The following KDM1A variants were observed in gnomAD, a reference collection of about 807,000 sequenced individuals.
KDM1A encodes lysine demethylase 1A, also known as lysine-specific histone demethylase 1A.
Under a neutral mutation model 109.4 loss-of-function variants are expected in KDM1A, and 49 were observed. The ratio of observed to expected loss-of-function variants is 0.45; its 90% CI spans 0.36 to 0.57. The LOEUF (loss-of-function observed/expected upper bound fraction) is 0.57. KDM1A is among the 20% of genes least tolerant of loss of function. The probability of loss-of-function intolerance (pLI) is 0.00; values close to 1 mark genes in which losing one functional copy is unlikely to be tolerated. For missense variants in KDM1A, 668 were observed against 1,116.6 expected (o/e 0.60, Z 5.73); for synonymous variants, 380 against 415.4 (o/e 0.91, Z 1.04).
At chr1:23,076,343 C>CT (rs1005987040) in intron 15 of KDM1A, among the ~76,000 whole-genome samples, 39 of 150,926 alleles carry the variant, frequency 2.6e-4, no homozygotes, top group East Asian at 1.9e-3. Context: ...CAATTCCTGA[C>CT]TTTTTTTTTA....
At chr1:23,081,792 C>T (rs1643627087) in intron 19 of KDM1A, 2 of 529,906 alleles carry the variant, frequency 3.8e-6, no homozygotes, top group Admixed American at 3.4e-5. Context: ...CTGCATTTCT[C>T]CTCCGGCTTT....
At chr1:23,052,637 TG>T (rs774677573) in intron 4 of KDM1A, among the ~76,000 whole-genome samples, 11 of 152,318 alleles carry the variant, frequency 7.2e-5, no homozygotes, top group Middle Eastern at 3.4e-3. Context: ...TTGTACCATA[TG>T]TTTTTTTATG....
At chr1:23,080,981 C>T (rs1643603931) in intron 18 of KDM1A, 3 of 155,686 alleles carry the variant, frequency 1.9e-5, no homozygotes, top group Admixed American at 1.9e-4. Flanking sequence ...GTGCCTACCA[C>T]CTAAGTCTGT....
chr1:23,070,750 G>A (rs1169338255), intron 12 of KDM1A, among the ~76,000 whole-genome samples: 1 of 151,910 alleles, frequency 6.6e-6, no homozygotes, highest in East Asian at 1.9e-4. Flanking sequence ...AGAGCTTGCA[G>A]TGAGCCGAGA....
At chr1:23,078,289 A>G (rs1643523689) in intron 16 of KDM1A, among the ~76,000 whole-genome samples, 1 of 152,212 alleles carries the variant, frequency 6.6e-6, no homozygotes, top group South Asian at 2.1e-4. Flanking sequence ...CAGTGAGAAT[A>G]GATGTTGTGC....
intron 20 of KDM1A, 162 bp downstream of exon 20, chr1:23,082,528 C>G (rs1437873875): frequency 4.5e-6 from 3 of 668,492 alleles, no homozygotes; most frequent in East Asian, 5.6e-5. Context: ...TCTGATTTCT[C>G]ATAATTTGGT....
intron 2 of KDM1A, among the ~76,000 whole-genome samples, chr1:23,036,948 G>A (rs1042500719): frequency 6.6e-6 from 1 of 152,068 alleles, no homozygotes; most frequent in African/African-American, 2.4e-5. Flanking sequence ...TGGATTCTAA[G>A]GGTTCAAAGA....
At chr1:23,070,481 A>T (rs1391676989) in intron 12 of KDM1A, among the ~76,000 whole-genome samples, 2 of 151,730 alleles carry the variant, frequency 1.3e-5, no homozygotes, top group African/African-American at 4.8e-5. Flanking sequence ...TTAGAAAAAA[A>T]AAAAAAATTC....
chr1:23,069,307 A>G (rs1434492205), intron 12 of KDM1A, among the ~76,000 whole-genome samples, 156 bp downstream of exon 12: 2 of 152,174 alleles, frequency 1.3e-5, no homozygotes, highest in Non-Finnish European at 2.9e-5. Flanking sequence ...AACGAAAGAG[A>G]CTGTTTTATC....
intron 9 of KDM1A, among the ~76,000 whole-genome samples, chr1:23,065,015 G>C (rs1355300844): frequency 6.6e-6 from 1 of 152,216 alleles, no homozygotes; most frequent in Non-Finnish European, 1.5e-5. Flanking sequence ...AGTTCTCACT[G>C]TGTTGCAGGG....
chr1:23,021,706 A>G (rs1569603582), intron 1 of KDM1A, among the ~76,000 whole-genome samples: 2 of 152,206 alleles, frequency 1.3e-5, no homozygotes, highest in African/African-American at 4.8e-5. Flanking sequence ...ATGCATGTAT[A>G]ATAATATTCA....
chr1:23,069,241 C>T, intron 12 of KDM1A, 90 bp downstream of exon 12: 1 of 761,496 alleles, frequency 1.3e-6, no homozygotes. Flanking sequence ...AGATTTTTTC[C>T]TCCATGGAAG....
Position 23,079,654 on chromosome 1 carries a change from G to A in KDM1A, c.2157G>A (p.Trp719Ter). Reference protein sequence around the residue: ...TASRGELFLFWNLYKAPILLA... With the variant: ...TASRGELFLF Reference sequence around the variant, plus strand: ...GCAGGGGTGAGCTCTTCCTCTTCTGGAACCTCTATAAAGGTAAATGCCTTC... The same window carrying A: ...GCAGGGGTGAGCTCTTCCTCTTCTGAAACCTCTATAAAGGTAAATGCCTTC... The change falls in exon 18 of 21, where the codon TGG (tryptophan) becomes TGA (stop). Residue 719 changes from tryptophan (W) to a stop codon, truncating the protein, a stop_gained. Coordinates refer to ENST00000400181, the MANE Select transcript of KDM1A (RefSeq NM_001009999.3). LOFTEE classifies it high-confidence loss of function. This position sits in a 1 kb window ranked among gnomAD's most constrained non-coding sequence, Gnocchi z 5.6. The A allele has an allele frequency of 6.2e-7, 1 of 1,608,684 alleles. No homozygotes were observed. Among genetic ancestry groups the A allele is most frequent in the Non-Finnish European group, 8.5e-7 (1 of 1,175,744 alleles).
At chr1:23,052,575 AT>A (rs1190254541) in intron 4 of KDM1A, among the ~76,000 whole-genome samples, 3 of 152,200 alleles carry the variant, frequency 2.0e-5, no homozygotes, top group Non-Finnish European at 4.4e-5. Context: ...TTTGTCATGC[AT>A]TTTGCAAGTA....
chr1:23,071,092 A>G, intron 12 of KDM1A, 133 bp from the exon 13 acceptor site: 1 of 666,674 alleles, frequency 1.5e-6, no homozygotes, highest in East Asian at 2.7e-5. Flanking sequence ...AGTACTTAAG[A>G]ATTCTCAGGA....
intron 2 of KDM1A, among the ~76,000 whole-genome samples, chr1:23,037,953 C>A (rs1642197715): frequency 6.6e-6 from 1 of 152,074 alleles, no homozygotes; most frequent in South Asian, 2.1e-4. Context: ...TGGGTCTGAT[C>A]ATGTTGTAAT....
chr1:23,069,016 G>T (rs1329427287), intron 11 of KDM1A, 45 bp from the exon 12 acceptor site: 10 of 1,360,346 alleles, frequency 7.4e-6, no homozygotes, highest in Non-Finnish European at 1.0e-5. Context: ...GTCTTATTCT[G>T]CAAAGTTGGC....
chr1:23,019,852 G>T lies in KDM1A; in HGVS notation c.256G>T (p.Gly86Cys). The change falls in exon 1 of 21, where the codon GGC becomes TGC. Residue 86 changes from glycine to cysteine, a missense_variant. Transcript: ENST00000400181. ...EPPGSAGPQA[G>C]PTVVPGSATP... ...GCCGGGGTCCGCAGGGCCTCAGGCC[G>T]GCCCTACTGTCGTGCCTGGGTCTGC... 6.7e-7 allele frequency: 1 copy of T among 1,500,998 alleles called. No individual in the cohort carries two copies. Among genetic ancestry groups the T allele is most frequent in the South Asian group, 1.3e-5 (1 of 78,212 alleles). The allele number at this position is 1,500,998 out of a possible 1,614,324, so 93.0% of individuals were successfully genotyped here. A position where few individuals can be genotyped will look rare whatever the true frequency, so the allele number is the denominator to read the frequency against.
At chr1:23,066,877 A>T (rs1285682478) in intron 10 of KDM1A, among the ~76,000 whole-genome samples, 1 of 152,242 alleles carries the variant, frequency 6.6e-6, no homozygotes, top group African/African-American at 2.4e-5. Context: ...AAATTTCAGC[A>T]TTGTTTGAGT....
Sources: allele counts gnomAD v4.1 joint callset (sites outside exome capture counted in the v4.1 genomes callset), GRCh38; gene constraint gnomAD v4.1.1; non-coding constraint Gnocchi (gnomAD v3.1); transcripts MANE v1.5; gene names NCBI Gene and HGNC (gene_info 2026-07-23, HGNC 2026-07-21).